BCL7A: variants seen among roughly 807,000 people sequenced by gnomAD.
BCL7A encodes B-cell CLL/lymphoma 7 protein family member A.
A neutral mutation model predicts 28.4 loss-of-function variants in BCL7A; 11 were observed. The ratio of observed to expected loss-of-function variants is 0.39; its 90% CI spans 0.24 to 0.64. The LOEUF is 0.64. BCL7A is among the 30% of genes least tolerant of loss of function. The pLI is 0.50. For missense variants in BCL7A, 222 were observed against 274.8 expected (o/e 0.81, Z 1.36); for synonymous variants, 123 against 103.3 (o/e 1.19, Z -1.15).
At chr12:122,058,922 T>C (rs574146890) in intron 5 of BCL7A, among the ~76,000 whole-genome samples, 170 bp from the exon 6 acceptor site, 3 of 152,154 alleles carry the variant, frequency 2.0e-5, no homozygotes, top group Non-Finnish European at 4.4e-5. Context: ...TCTCCATAGG[T>C]CCTCAAACTC....
chr12:122,046,665 T>C (rs1282575718), intron 4 of BCL7A, among the ~76,000 whole-genome samples: 1 of 152,182 alleles, frequency 6.6e-6, no homozygotes, highest in Non-Finnish European at 1.5e-5. Context: ...TAAATTTGAA[T>C]GTGATGTCAA....
chr12:122,052,871 G>C (rs547543984), intron 4 of BCL7A, among the ~76,000 whole-genome samples: 27 of 35,662 alleles, frequency 7.6e-4, no homozygotes, highest in East Asian at 3.0e-3. Context: ...TTTTAGTCGG[G>C]GGGGGGGGGG....
chr12:122,024,846 A>G (rs1397117752), intron 1 of BCL7A, among the ~76,000 whole-genome samples: 2 of 152,138 alleles, frequency 1.3e-5, no homozygotes, highest in Non-Finnish European at 2.9e-5. Flanking sequence ...TATTTTACCC[A>G]GAGGGAAGCC....
At chr12:122,025,474 A>T (rs532649646) in intron 1 of BCL7A, among the ~76,000 whole-genome samples, 1 of 151,872 alleles carries the variant, frequency 6.6e-6, no homozygotes, top group African/African-American at 2.4e-5. Context: ...AAAATACAAA[A>T]AAATTAGCCA....
At position 122,043,993 on chromosome 12, in the gene BCL7A, G is replaced by C. The variant is rs763596226; in HGVS notation, c.379G>C (p.Gly127Arg). 1 of 1,613,850 alleles carries C rather than the reference G, an allele frequency of 6.2e-7. No homozygotes were observed. Among genetic ancestry groups the C allele is most frequent in the African/African-American group, 1.3e-5 (1 of 74,924 alleles). Reference sequence around the variant, plus strand: ...GCCCAACTCGGCTGTGCCCAGCGACGGCACCGAGGCCAAGGTGGATGAGGC... The same window carrying C: ...GCCCAACTCGGCTGTGCCCAGCGACCGCACCGAGGCCAAGGTGGATGAGGC... ...PEPNSAVPSDGTEAKVDEAQA... is the reference protein window; with the variant it reads ...PEPNSAVPSDRTEAKVDEAQA... The change falls in exon 4 of 6, where the codon GGC (glycine) becomes CGC (arginine). Residue 127 changes from glycine to arginine, a missense_variant. Gly to Arg is a moderately radical substitution (Grantham distance 125). Around this residue, in one of 2 missense-constraint regions of BCL7A, gnomAD observed 155 missense variants for 145.7 expected, o/e 1.06. Coordinates refer to ENST00000261822, the MANE Select transcript of BCL7A (RefSeq NM_001024808.3).
intron 3 of BCL7A, among the ~76,000 whole-genome samples, chr12:122,040,371 A>C (rs1883941438): frequency 6.6e-6 from 1 of 151,916 alleles, no homozygotes; most frequent in South Asian, 2.1e-4. Context: ...CATCTCTACT[A>C]AAAATACAAA....
intron 2 of BCL7A, among the ~76,000 whole-genome samples, chr12:122,031,973 T>A (rs1883755151): frequency 6.6e-6 from 1 of 152,122 alleles, no homozygotes; most frequent in East Asian, 1.9e-4. Flanking sequence ...CTGCCTTCCG[T>A]ATTTACTCAA....
intron 4 of BCL7A, among the ~76,000 whole-genome samples, chr12:122,049,043 T>A (rs1235722973): frequency 1.7e-5 from 2 of 118,806 alleles, no homozygotes; most frequent in African/African-American, 7.1e-5. Flanking sequence ...AAAATATATA[T>A]ATATATATAT....
chr12:122,051,292 G>A (rs371442163), intron 4 of BCL7A, among the ~76,000 whole-genome samples: 28 of 152,270 alleles, frequency 1.8e-4, no homozygotes, highest in African/African-American at 6.0e-4. Context: ...CGAGCTGCCC[G>A]TGGGAAGGGC....
At position 122,059,087 on chromosome 12, in the gene BCL7A, C is replaced by G. The variant is rs983483081; in HGVS notation, c.562-5C>G. On this transcript the variant is annotated splice_polypyrimidine_tract_variant and splice_region_variant and intron_variant, in intron 5 of 5. Coordinates refer to ENST00000261822, the MANE Select transcript of BCL7A (RefSeq NM_001024808.3). This position sits in a 1 kb window ranked among gnomAD's most constrained non-coding sequence, Gnocchi z 4.0. ...CCTGTGTTCCCCTTTTCTCCTCTCCCCAAGGATTTGGAAGGAGTGCCACCC... is the reference window on the plus strand; with the variant it reads ...CCTGTGTTCCCCTTTTCTCCTCTCCGCAAGGATTTGGAAGGAGTGCCACCC... The G allele has an allele frequency of 2.5e-6, 4 of 1,603,634 alleles. No individual in the cohort carries two copies. Among genetic ancestry groups the G allele is most frequent in the Non-Finnish European group, 3.4e-6 (4 of 1,170,400 alleles).
chr12:122,034,172 C>A (rs1375245385), intron 2 of BCL7A, among the ~76,000 whole-genome samples: 1 of 139,624 alleles, frequency 7.2e-6, no homozygotes, highest in Non-Finnish European at 1.5e-5. Context: ...TGGTGAGGCT[C>A]ACGTATCCTG....
Position 122,054,672 on chromosome 12 carries a change from C to G in BCL7A, c.440-133C>G, listed in dbSNP as rs1429098954. ...AGGAGACTCCCCAGCCCTCCAGCCC[C>G]CCAGCTCATTGTAGCCTTCAAAGAC... On this transcript the variant is annotated intron_variant, in intron 4 of 5. Coordinates refer to ENST00000261822, the MANE Select transcript of BCL7A (RefSeq NM_001024808.3). The G allele has an allele frequency of 3.4e-6, 3 of 871,282 alleles. No homozygotes were observed. The African/African-American group carries it at 5.1e-5, about 15-fold the overall frequency. 54.0% of individuals were successfully genotyped at this position (871,282 alleles called of 1,614,324 possible). A position where few individuals can be genotyped will look rare whatever the true frequency, so the allele number is the denominator to read the frequency against.
intron 5 of BCL7A, among the ~76,000 whole-genome samples, chr12:122,055,451 G>A (rs148541586): frequency 1.3e-5 from 2 of 152,220 alleles, no homozygotes; most frequent in African/African-American, 4.8e-5. Flanking sequence ...TCCCAGAGTC[G>A]GGCCCAAGTT....
At chr12:122,023,011 G>C (rs1883506718) in intron 1 of BCL7A, among the ~76,000 whole-genome samples, 1 of 152,136 alleles carries the variant, frequency 6.6e-6, no homozygotes, top group East Asian at 1.9e-4. Flanking sequence ...GGGAGCTGTT[G>C]TTTTTGTTCT....
chr12:122,047,392 TG>T (rs1225787265), intron 4 of BCL7A, among the ~76,000 whole-genome samples: 3 of 151,784 alleles, frequency 2.0e-5, no homozygotes, highest in Admixed American at 2.0e-4. Flanking sequence ...GGCATGGTAT[TG>T]GGCGCCTGTA....
chr12:122,044,221 C>T (rs530220366), intron 4 of BCL7A, 168 bp downstream of exon 4: 1 of 789,386 alleles, frequency 1.3e-6, no homozygotes, highest in East Asian at 2.8e-5. Flanking sequence ...TTAAAAAAAT[C>T]AGACAGGCCA....
intron 2 of BCL7A, among the ~76,000 whole-genome samples, chr12:122,032,632 TA>T (rs1461773492): frequency 6.6e-6 from 1 of 152,188 alleles, no homozygotes; most frequent in East Asian, 1.9e-4. Flanking sequence ...CAGCCCCGAT[TA>T]ACCTGTGATG....
chr12:122,045,878 C>T (rs1485618334), intron 4 of BCL7A, among the ~76,000 whole-genome samples: 4 of 151,546 alleles, frequency 2.6e-5, no homozygotes, highest in Non-Finnish European at 5.9e-5. Flanking sequence ...CTTTTGAGCC[C>T]AGGAGTTCAA....
At chr12:122,036,563 T>A (rs200246723) in intron 3 of BCL7A, among the ~76,000 whole-genome samples, 1 of 152,274 alleles carries the variant, frequency 6.6e-6, no homozygotes, top group East Asian at 1.9e-4. Flanking sequence ...TATGACTCCA[T>A]GAAATGTTCC....
Sources: gnomAD v4.1 joint callset for allele counts (sites outside exome capture counted in the v4.1 genomes callset) on GRCh38, gnomAD v4.1.1 for gene constraint, gnomAD v4.1.1 regional missense constraint, Gnocchi (gnomAD v3.1) non-coding constraint, MANE v1.5 for transcripts, NCBI Gene and HGNC (gene_info 2026-07-23, HGNC 2026-07-21) for gene names.